RASSF5: variants seen among roughly 807,000 people sequenced by gnomAD.
RASSF5 encodes the protein Ras association domain family member 5.
In RASSF5, 25 loss-of-function variants were observed where a neutral mutation model predicts 40.5. That is an observed-to-expected ratio of 0.62 (90% confidence interval 0.45 to 0.86). RASSF5 has a LOEUF of 0.86. Ranked by LOEUF, RASSF5 falls within the 40% of genes least tolerant of loss-of-function variation. The pLI is 0.00. For missense variants in RASSF5, 521 were observed against 572.8 expected (o/e 0.91, Z 0.92); for synonymous variants, 246 against 252.4 (o/e 0.97, Z 0.24).
At chr1:206,515,750 G>A (rs899943475) in intron 1 of RASSF5, among the ~76,000 whole-genome samples, 7 of 152,196 alleles carry the variant, frequency 4.6e-5, no homozygotes, top group African/African-American at 1.2e-4. Flanking sequence ...TTTGGGAACA[G>A]GTACCATTGC....
At chr1:206,553,811 C>T (rs1667912977) in intron 2 of RASSF5, among the ~76,000 whole-genome samples, 1 of 152,152 alleles carries the variant, frequency 6.6e-6, no homozygotes, top group Admixed American at 6.5e-5. Context: ...TAATTTCAGG[C>T]ATGTGGTTAT....
At chr1:206,525,682 C>G (rs191469444) in intron 1 of RASSF5, among the ~76,000 whole-genome samples, 1 of 152,166 alleles carries the variant, frequency 6.6e-6, no homozygotes, top group Non-Finnish European at 1.5e-5. Flanking sequence ...AAATTTCTGG[C>G]CTCAAGCAAT....
At position 206,552,518 on chromosome 1, in the gene RASSF5, T is replaced by C. The variant is rs1006267653; in HGVS notation, c.579+14225T>C. ...TGCAGCTGTAATGAGGGTTGCTTGA[T>C]TGCACCTGGAGATGGGTGTGAACTG... On this transcript the variant is annotated intron_variant, in intron 2 of 5. Transcript: ENST00000579436. This position sits in a 1 kb window ranked among gnomAD's most constrained non-coding sequence, Gnocchi z 4.1. Among the ~76,000 whole-genome samples, 8 of 152,120 alleles carry C rather than the reference T, an allele frequency of 5.3e-5. No individual in the cohort carries two copies. The highest frequency in any genetic ancestry group is 1.9e-4 in the African/African-American group (8 of 41,400).
intron 1 of RASSF5, among the ~76,000 whole-genome samples, chr1:206,536,882 G>A (rs989221141): frequency 8.0e-5 from 12 of 150,936 alleles, no homozygotes; most frequent in East Asian, 2.0e-4. Flanking sequence ...CCTTCTGGCC[G>A]AGCTGAGGCA....
chr1:206,530,587 C>T (rs1553397813), intron 1 of RASSF5, among the ~76,000 whole-genome samples: 2 of 152,200 alleles, frequency 1.3e-5, no homozygotes, highest in African/African-American at 2.4e-5. Flanking sequence ...AATACTGGAA[C>T]TTATTAACTT....
rs11583211 is a variant in RASSF5 at position 206,522,453 on chromosome 1, G to A, written c.457+14394G>A. Among the ~76,000 whole-genome samples the A allele has an allele frequency of 4.7e-3, 722 of 152,270 alleles. 3 individuals are homozygous for A. Among genetic ancestry groups the A allele is most frequent in the Non-Finnish European group, 8.6e-3 (582 of 68,034 alleles). On this transcript the variant is annotated intron_variant, in intron 1 of 5. Coordinates refer to ENST00000579436, the MANE Select transcript of RASSF5 (RefSeq NM_182663.4). ...GCCATACCCTAAATGCAGCGTGAGC[G>A]TTTTCTGATGTGGTGTCGGAGGGTC...
intron 2 of RASSF5, chr1:206,571,242 G>A (rs1307569806): frequency 6.6e-6 from 1 of 151,290 alleles, no homozygotes; most frequent in African/African-American, 2.4e-5. Context: ...ATCTTCTTTA[G>A]AGAAATATCT....
At chr1:206,564,732 A>C (rs563801995) in intron 2 of RASSF5, among the ~76,000 whole-genome samples, 17 of 152,160 alleles carry the variant, frequency 1.1e-4, no homozygotes, top group African/African-American at 4.1e-4. Flanking sequence ...CTTCTTCTTC[A>C]TGGTTTAGTC....
At position 206,579,034 on chromosome 1, in the gene RASSF5, G is replaced by A. The variant is rs893303679; in HGVS notation, c.580-4235G>A. The stretch of plus-strand genomic sequence containing the variant: ...AAGCATTAGAGAATCACTCAGGGTC[G>A]GGGTGTCGCTGTGAACCCCTAGCAC... On this transcript the variant is annotated intron_variant, in intron 2 of 5. Transcript: ENST00000579436. The surrounding 1 kb of genome is among the most constrained non-coding windows in gnomAD (Gnocchi z 4.2). 2.0e-5 allele frequency among the ~76,000 whole-genome samples: 3 copies of A among 152,084 alleles called. No individual in the cohort carries two copies. The highest frequency in any genetic ancestry group is 2.1e-4 in the South Asian group (1 of 4,824).
chr1:206,552,177 G>A lies in RASSF5; in HGVS notation c.579+13884G>A, dbSNP rs1667859627. ...ACTGTAGGGTGAGTCTAACCTAAATGGTGTGCCACCACTCACCTCTTACAA... is the reference window on the plus strand; with the variant it reads ...ACTGTAGGGTGAGTCTAACCTAAATAGTGTGCCACCACTCACCTCTTACAA... On this transcript the variant is annotated intron_variant, in intron 2 of 5. Transcript: ENST00000579436. This position sits in a 1 kb window ranked among gnomAD's most constrained non-coding sequence, Gnocchi z 4.1. Among the ~76,000 whole-genome samples, 1 of 152,170 alleles carries A rather than the reference G, an allele frequency of 6.6e-6. No individual in the cohort carries two copies. The highest frequency in any genetic ancestry group is 1.5e-5 in the Non-Finnish European group (1 of 68,032).
intron 1 of RASSF5, among the ~76,000 whole-genome samples, chr1:206,530,462 A>G (rs1339335835): frequency 6.6e-6 from 1 of 152,212 alleles, no homozygotes; most frequent in Admixed American, 6.5e-5. Flanking sequence ...CTATGTGATG[A>G]ACATTTTAGT....
At position 206,511,794 on chromosome 1, in the gene RASSF5, C is replaced by T. The variant is rs138941771; in HGVS notation, c.457+3735C>T. The stretch of plus-strand genomic sequence containing the variant: ...TCTGGTCTCTCTAGTCTTGTTGCTA[C>T]GCTATTGGCTGGGTTCAGCTCCACT... On this transcript the variant is annotated intron_variant, in intron 1 of 5. Transcript: ENST00000579436. 6.6e-5 allele frequency among the ~76,000 whole-genome samples: 10 copies of T among 152,248 alleles called. No individual in the cohort carries two copies. The East Asian group carries it at 1.7e-3, about 26-fold the overall frequency.
intron 1 of RASSF5, among the ~76,000 whole-genome samples, chr1:206,528,452 G>A (rs782534451): frequency 3.3e-5 from 5 of 152,234 alleles, no homozygotes; most frequent in Non-Finnish European, 7.4e-5. Context: ...TTAGGGCAGC[G>A]AAACTACCCT....
chr1:206,559,111 G>T (rs2103540382), intron 2 of RASSF5, among the ~76,000 whole-genome samples: 1 of 152,334 alleles, frequency 6.6e-6, no homozygotes, highest in South Asian at 2.1e-4. Context: ...GATTTAAATG[G>T]CCTGGGGTAC....
rs577102944 is a variant in RASSF5, at chr1:206,513,548, G to A, written c.457+5489G>A. Among the ~76,000 whole-genome samples, 90 of 152,346 alleles carry A rather than the reference G, an allele frequency of 5.9e-4. No individual in the cohort carries two copies. The highest frequency in any genetic ancestry group is 2.0e-3 in the African/African-American group (82 of 41,572). On this transcript the variant is annotated intron_variant, in intron 1 of 5. Coordinates refer to ENST00000579436, the MANE Select transcript of RASSF5 (RefSeq NM_182663.4). This position sits in a 1 kb window ranked among gnomAD's most constrained non-coding sequence, Gnocchi z 5.0. ...GCAGGATGCTTTCTGCCTCCCTGCAGGGTCTCGCTCTGTCTCTGCTGACTC... is the reference window on the plus strand; with the variant it reads ...GCAGGATGCTTTCTGCCTCCCTGCAAGGTCTCGCTCTGTCTCTGCTGACTC...
intron 2 of RASSF5, among the ~76,000 whole-genome samples, chr1:206,546,089 A>ATTTTTTTTTTTTTTTTTTTTTT (rs10603701): frequency 2.1e-5 from 1 of 48,248 alleles, no homozygotes; most frequent in African/African-American, 8.1e-5. Flanking sequence ...TTCTTTTTCT[A>ATTTTTTTTTTTTTTTTTTTTTT]TTTTTTTTTT....
In RASSF5 at chr1:206,587,012, GATTT is replaced by G; in HGVS notation, c.*39_*42del. ...GCTTCCTCTCCTCCTGGTGCATTCA[GATTT>G]ATTTGTATTATTAATTATTATTTTG... On this transcript the variant is annotated 3_prime_UTR_variant, in exon 6 of 6. Transcript: ENST00000579436. 1 of 1,612,728 alleles carries G rather than the reference GATTT, an allele frequency of 6.2e-7. No individual in the cohort carries two copies. Among genetic ancestry groups the G allele is most frequent in the South Asian group, 1.1e-5 (1 of 90,796 alleles).
In RASSF5 at chr1:206,507,712, C is replaced by A. The variant is rs1666492104; in HGVS notation, c.110C>A (p.Pro37His). The change falls in exon 1 of 6, where the codon CCC becomes CAC. Residue 37 changes from proline to histidine, a missense_variant. Transcript: ENST00000579436. ...AGCGGCCCCGAGCTACCGCCGCCGC[C>A]CCCCGACCGGTCCTCGCGCCTCTGT... is the stretch of plus-strand genomic sequence containing the variant. ...SLSGPELPPPPPDRSSRLCVP... is the reference protein window; with the variant it reads ...SLSGPELPPPHPDRSSRLCVP... 1 of 1,487,578 alleles carries A rather than the reference C, an allele frequency of 6.7e-7. No individual in the cohort carries two copies. The highest frequency in any genetic ancestry group is 1.5e-5 in the African/African-American group (1 of 68,620). The allele number at this position is 1,487,578 out of a possible 1,614,324, so 92.1% of individuals were successfully genotyped here. A position where few individuals can be genotyped will look rare whatever the true frequency, so the allele number is the denominator to read the frequency against.
At chr1:206,511,496 A>C (rs983665903) in intron 1 of RASSF5, among the ~76,000 whole-genome samples, 2 of 151,872 alleles carry the variant, frequency 1.3e-5, no homozygotes, top group South Asian at 4.2e-4. Flanking sequence ...CCTGACTCAA[A>C]CCCTCCTGGA....
Sources: gnomAD v4.1 joint callset for allele counts (sites outside exome capture counted in the v4.1 genomes callset) on GRCh38, gnomAD v4.1.1 for gene constraint, Gnocchi (gnomAD v3.1) non-coding constraint, MANE v1.5 for transcripts, NCBI Gene and HGNC (gene_info 2026-07-23, HGNC 2026-07-21) for gene names.